Variants in ABLIM1 observed in about 807,000 individuals in gnomAD.
The protein encoded by ABLIM1 is actin-binding LIM protein 1.
ABLIM1 carries 40 observed loss-of-function variants against 107.0 expected under a neutral mutation model. The ratio of observed to expected loss-of-function variants is 0.37; its 90% confidence interval spans 0.29 to 0.49. The LOEUF (loss-of-function observed/expected upper bound fraction) is 0.49, where lower values mean the gene tolerates loss of function less well. Ranked by LOEUF, ABLIM1 falls within the 20% of genes least tolerant of loss-of-function variation. The pLI, the probability that ABLIM1 is intolerant of heterozygous loss-of-function variation, is 0.97. For synonymous variants in ABLIM1, 357 were observed against 357.3 expected (o/e 1.00, Z 0.01); for missense variants, 857 against 1,008.5 (o/e 0.85, Z 2.04).
At chr10:114,781,636 A>G in the ABLIM1 span, among the ~76,000 whole-genome samples, 1 of 143,068 alleles carries the variant, frequency 7.0e-6, no homozygotes, top group Non-Finnish European at 1.5e-5. Context: ...ATATATATGC[A>G]CGTGTGTGTG....
chr10:114,498,375 T>A (rs1590481428), intron 6 of ABLIM1, among the ~76,000 whole-genome samples: 1 of 152,182 alleles, frequency 6.6e-6, no homozygotes, highest in East Asian at 1.9e-4. Context: ...CAATGATTCC[T>A]CCGTGTCTGT....
chr10:114,601,653 C>A (rs146427127), intron 2 of ABLIM1, 174 bp downstream of exon 2: 1 of 1,051,570 alleles, frequency 9.5e-7, no homozygotes, highest in Non-Finnish European at 1.5e-6. Flanking sequence ...TAGCAGGACT[C>A]GTTCTCGCCC....
chr10:114,706,691 G>A (rs190301041), intron 1 of ABLIM1, among the ~76,000 whole-genome samples: 3 of 152,336 alleles, frequency 2.0e-5, no homozygotes, highest in Admixed American at 1.3e-4. Context: ...TGTGGAAGCA[G>A]GGTTACAAGA....
chr10:114,733,598 T>C (rs2082120371), intron 1 of ABLIM1, among the ~76,000 whole-genome samples: 1 of 152,148 alleles, frequency 6.6e-6, no homozygotes, highest in South Asian at 2.1e-4. Context: ...CACCCCATTT[T>C]CTTCAGTACC....
At chr10:114,662,660 A>G (rs1566198916), upstream of ABLIM1, among the ~76,000 whole-genome samples, 1 of 152,134 alleles carries the variant, frequency 6.6e-6, no homozygotes, top group Non-Finnish European at 1.5e-5. Context: ...CTCTTCCCGT[A>G]ATGCCACTTG....
At chr10:114,546,455 G>A (rs1001546001) in intron 5 of ABLIM1, among the ~76,000 whole-genome samples, 13 of 151,936 alleles carry the variant, frequency 8.6e-5, no homozygotes, top group East Asian at 5.8e-4. Flanking sequence ...CACCATGCCC[G>A]GCTCAGTTTT....
chr10:114,723,946 G>T (rs2142071423), intron 1 of ABLIM1, among the ~76,000 whole-genome samples: 1 of 152,166 alleles, frequency 6.6e-6, no homozygotes, highest in African/African-American at 2.4e-5. Flanking sequence ...ATTCTCTTCT[G>T]AACTGGTTAT....
chr10:114,443,882 A>T, intron 17 of ABLIM1, 147 bp downstream of exon 17: 1 of 629,526 alleles, frequency 1.6e-6, no homozygotes, highest in Non-Finnish European at 2.8e-6. Context: ...CATGCTTATG[A>T]GCTCATTTGA....
intron 1 of ABLIM1, among the ~76,000 whole-genome samples, chr10:114,728,506 G>A (rs1341471765): frequency 1.6e-5 from 1 of 62,380 alleles, no homozygotes; most frequent in Non-Finnish European, 3.3e-5. Flanking sequence ...CATAAAATAC[G>A]ATAAGGCAGT....
At chr10:114,559,144 T>C (rs745824758) in intron 4 of ABLIM1, among the ~76,000 whole-genome samples, 1 of 152,060 alleles carries the variant, frequency 6.6e-6, no homozygotes, top group Non-Finnish European at 1.5e-5. Context: ...TCTGAGGATG[T>C]CAATATCATA....
chr10:114,723,595 A>G (rs1159829136), intron 1 of ABLIM1, among the ~76,000 whole-genome samples: 1 of 152,188 alleles, frequency 6.6e-6, no homozygotes, highest in Non-Finnish European at 1.5e-5. Context: ...ACTCTTGCCC[A>G]TCCTCCTCCT....
intron 2 of ABLIM1, among the ~76,000 whole-genome samples, chr10:114,592,307 G>A (rs2074971777): frequency 6.6e-6 from 1 of 152,128 alleles, no homozygotes; most frequent in Admixed American, 6.6e-5. Flanking sequence ...GCTTGTCAAG[G>A]CAAAGAAATA....
chr10:114,788,801 C>G, the ABLIM1 span, among the ~76,000 whole-genome samples: 1 of 152,042 alleles, frequency 6.6e-6, no homozygotes, highest in Non-Finnish European at 1.5e-5. Flanking sequence ...AGGAGGCTCA[C>G]GTAAAGTTGA....
intron 1 of ABLIM1, among the ~76,000 whole-genome samples, chr10:114,626,124 A>G (rs1253458341): frequency 3.3e-5 from 5 of 152,188 alleles, no homozygotes; most frequent in Admixed American, 2.0e-4. Context: ...TGAGCTGGGA[A>G]ATGATTCAGT....
At chr10:114,661,713 T>A (rs1331113597), upstream of ABLIM1, among the ~76,000 whole-genome samples, 2 of 152,166 alleles carry the variant, frequency 1.3e-5, no homozygotes, top group Admixed American at 1.3e-4. Context: ...CTGCCCAAGA[T>A]TTTGCTGGCC....
chr10:114,581,080 T>C (rs2073314708), intron 2 of ABLIM1, among the ~76,000 whole-genome samples: 1 of 152,198 alleles, frequency 6.6e-6, no homozygotes, highest in Non-Finnish European at 1.5e-5. Context: ...CTGGAATTCA[T>C]TCTCTAGAAA....
At chr10:114,692,888 T>TCA (rs1360705027) in intron 1 of ABLIM1, among the ~76,000 whole-genome samples, 4 of 152,108 alleles carry the variant, frequency 2.6e-5, no homozygotes, top group African/African-American at 4.8e-5. Context: ...AGACTCCATC[T>TCA]CACACACACA....
Position 114,472,601 on chromosome 10 carries a change from T to C in ABLIM1, c.1275+376A>G, listed in dbSNP as rs565598559. On this transcript the variant is annotated intron_variant, in intron 10 of 22. Transcript: ENST00000533213. ...ACTGTAATTACCAAAATTTAGGGGG[T>C]GTGTTCTCTCTCCTCATGATGCCAT... Among the ~76,000 whole-genome samples the C allele has an allele frequency of 6.6e-5, 10 of 152,204 alleles. No individual in the cohort carries two copies. In the East Asian group the frequency reaches 1.9e-3, roughly 29 times the overall value.
chr10:114,644,663 A>G (rs1192420596), intron 1 of ABLIM1, among the ~76,000 whole-genome samples: 2 of 152,168 alleles, frequency 1.3e-5, no homozygotes, highest in Non-Finnish European at 2.9e-5. Flanking sequence ...TCAGCTGGCC[A>G]ACAGCTTTTT....
Sources: gnomAD v4.1 joint callset for allele counts (sites outside exome capture counted in the v4.1 genomes callset) on GRCh38, gnomAD v4.1.1 for gene constraint, MANE v1.5 for transcripts, NCBI Gene and HGNC (gene_info 2026-07-23, HGNC 2026-07-21) for gene names.